Variants in AFF3 observed in about 807,000 individuals in gnomAD.
The protein encoded by AFF3 is AF4/FMR2 family member 3.
Under a neutral mutation model 129.7 loss-of-function variants are expected in AFF3, and 32 were observed. That is an observed-to-expected ratio of 0.25 (90% CI 0.19 to 0.33). The LOEUF is 0.33. AFF3 is among the 10% of genes least tolerant of loss of function. The pLI is 1.00. For synonymous variants in AFF3, 644 were observed against 635.4 expected (o/e 1.01, Z -0.20); for missense variants, 1,373 against 1,592.0 (o/e 0.86, Z 2.34).
At chr2:99,774,822 G>C (rs982479124) in intron 8 of AFF3, among the ~76,000 whole-genome samples, 1 of 151,650 alleles carries the variant, frequency 6.6e-6, no homozygotes, top group African/African-American at 2.4e-5. Context: ...CAGAATGGGA[G>C]AAAATTTTTG....
chr2:99,935,780 G>A (rs1316450537), intron 7 of AFF3, among the ~76,000 whole-genome samples: 2 of 152,212 alleles, frequency 1.3e-5, no homozygotes, highest in Non-Finnish European at 2.9e-5. Context: ...TGTGGTTGTT[G>A]AGCATCACCT....
intron 8 of AFF3, among the ~76,000 whole-genome samples, chr2:99,808,580 A>G (rs1235813046): frequency 6.6e-6 from 1 of 152,198 alleles, no homozygotes; most frequent in African/African-American, 2.4e-5. Context: ...CTAATGGATG[A>G]ACCTCAATCA....
intron 4 of AFF3, among the ~76,000 whole-genome samples, chr2:100,026,182 C>G (rs1256859458): frequency 6.6e-6 from 1 of 151,838 alleles, no homozygotes; most frequent in Non-Finnish European, 1.5e-5. Flanking sequence ...GAATCTACAA[C>G]AAACAAACAA....
rs577600628 is a variant in AFF3 at position 99,936,522 on chromosome 2, G to A, written c.873+70110C>T. The stretch of plus-strand genomic sequence containing the variant: ...AATCCCCATACGTGCTGACAAGGAC[G>A]GGAGGAAATGCCGTTTGAGGCTGTG... On this transcript the variant is annotated intron_variant, in intron 7 of 24. Transcript: ENST00000672756. Among the ~76,000 whole-genome samples, 219 of 152,260 alleles carry A rather than the reference G, an allele frequency of 1.4e-3. No individual in the cohort carries two copies. The South Asian group carries it at 0.016, about 11-fold the overall frequency.
At chr2:99,816,786 T>C (rs138037516) in intron 8 of AFF3, among the ~76,000 whole-genome samples, 1 of 152,204 alleles carries the variant, frequency 6.6e-6, no homozygotes, top group African/African-American at 2.4e-5. Flanking sequence ...CTGAGCTTTC[T>C]CCAGATATAC....
chr2:100,011,909 G>GA (rs1682584624), intron 4 of AFF3, among the ~76,000 whole-genome samples: 1 of 152,124 alleles, frequency 6.6e-6, no homozygotes, highest in African/African-American at 2.4e-5. Context: ...CTCTGAAAAT[G>GA]TTGGAGGTGA....
chr2:100,133,889 C>T (rs62150270), intron 1 of AFF3, among the ~76,000 whole-genome samples: 2,761 of 152,072 alleles, frequency 0.018, 48 homozygotes, highest in African/African-American at 0.038. Context: ...GCTGAGATCG[C>T]GCCACTGCAC....
chr2:99,837,482 T>C lies in AFF3; in HGVS notation c.916A>G (p.Ile306Val), dbSNP rs181598864. The change falls in exon 8 of 25, where the codon ATC becomes GTC. Residue 306 changes from isoleucine to valine, a missense_variant. Around this residue, in one of 9 missense-constraint regions of AFF3, gnomAD observed 413 missense variants for 424.4 expected, o/e 0.97. Coordinates refer to ENST00000672756, the MANE Select transcript of AFF3 (RefSeq NM_001386135.1). ...TGTTTAAAGAATAATCTTACCCGGA[T>C]TATTTCTTCAACACAGCTGTTGGTT... The part of the protein sequence containing the change: ...GETNSCVEEI[I>V]REMTWLPPLS... 1 of 1,613,696 alleles carries C rather than the reference T, an allele frequency of 6.2e-7. No homozygotes were observed. Among genetic ancestry groups the C allele is most frequent in the Non-Finnish European group, 8.5e-7 (1 of 1,179,708 alleles).
intron 11 of AFF3, among the ~76,000 whole-genome samples, chr2:99,688,093 C>T (rs868521502): frequency 2.6e-5 from 4 of 152,166 alleles, no homozygotes; most frequent in Non-Finnish European, 5.9e-5. Context: ...CCGCCCGCCT[C>T]GGCCTCCCAA....
At position 99,545,530 on chromosome 2, in the gene AFF3, T is replaced by A. The variant is rs1431640193; in HGVS notation, c.*5944A>T. 6.6e-6 allele frequency: 1 copy of A among 152,216 alleles called. No individual in the cohort carries two copies. Among genetic ancestry groups the A allele is most frequent in the Non-Finnish European group, 1.5e-5 (1 of 68,084 alleles). The allele number at this position is 152,216 out of a possible 1,614,324, so 9.4% of individuals were successfully genotyped here. On this transcript the variant is annotated 3_prime_UTR_variant, in exon 25 of 25. Coordinates refer to ENST00000672756, the MANE Select transcript of AFF3 (RefSeq NM_001386135.1). ...TATTTCTGGATGAGCTTTCCTATTT[T>A]AAAAATGGGTAAAAAAAACAAAACA...
chr2:99,971,174 G>A (rs758063257), intron 7 of AFF3, among the ~76,000 whole-genome samples: 4 of 152,046 alleles, frequency 2.6e-5, no homozygotes, highest in Non-Finnish European at 5.9e-5. Flanking sequence ...CAGGTCCTAG[G>A]GTTTTCCTCT....
intron 8 of AFF3, among the ~76,000 whole-genome samples, chr2:99,752,641 G>C (rs913521239): frequency 6.6e-6 from 1 of 152,148 alleles, no homozygotes; most frequent in African/African-American, 2.4e-5. Flanking sequence ...ACTCGGACTT[G>C]ATCCCACAGA....
chr2:99,982,740 T>G (rs1679521344), intron 7 of AFF3, among the ~76,000 whole-genome samples: 1 of 152,158 alleles, frequency 6.6e-6, no homozygotes, highest in Non-Finnish European at 1.5e-5. Flanking sequence ...ACTTTAAATG[T>G]GGAGTTTTTA....
chr2:99,642,123 C>T (rs577485438), intron 13 of AFF3, among the ~76,000 whole-genome samples: 5 of 152,274 alleles, frequency 3.3e-5, no homozygotes, highest in East Asian at 1.9e-4. Flanking sequence ...GTCAACGGTA[C>T]GAAGCACAAA....
At chr2:99,584,842 A>G (rs1349760354) in intron 16 of AFF3, among the ~76,000 whole-genome samples, 1 of 152,238 alleles carries the variant, frequency 6.6e-6, no homozygotes, top group Non-Finnish European at 1.5e-5. Context: ...CGTGTTGGTT[A>G]TCACCGCAAA....
rs1219827826 is a variant in AFF3, at chr2:99,547,582, A to C, written c.*3892T>G. 1 of 204,624 alleles carries C rather than the reference A, an allele frequency of 4.9e-6. No homozygotes were observed. Among genetic ancestry groups the C allele is most frequent in the African/African-American group, 2.3e-5 (1 of 43,640 alleles). 12.7% of individuals were successfully genotyped at this position (204,624 alleles called of 1,614,324 possible). A position where few individuals can be genotyped will look rare whatever the true frequency, so the allele number is the denominator to read the frequency against. Reference sequence around the variant, plus strand: ...ATTTAAAAATATATATGTATATGCTACTGCACAGTTTCAAAGATGTGATTC... The same window carrying C: ...ATTTAAAAATATATATGTATATGCTCCTGCACAGTTTCAAAGATGTGATTC... On this transcript the variant is annotated 3_prime_UTR_variant, in exon 25 of 25. Transcript: ENST00000672756.
At chr2:100,007,521 C>A in intron 5 of AFF3, 61 bp from the exon 6 acceptor site, 1 of 1,456,692 alleles carries the variant, frequency 6.9e-7, no homozygotes. Context: ...CGGAGATAAT[C>A]AACAGGTGCC....
At chr2:99,614,123 A>G (rs1449183697) in intron 13 of AFF3, among the ~76,000 whole-genome samples, 1 of 152,132 alleles carries the variant, frequency 6.6e-6, no homozygotes, top group East Asian at 1.9e-4. Flanking sequence ...CTGAACCAGG[A>G]GTGGGATGGG....
chr2:99,730,757 C>T lies in AFF3; in HGVS notation c.1040-3629G>A, dbSNP rs533899593. On this transcript the variant is annotated intron_variant, in intron 10 of 24. Coordinates refer to ENST00000672756, the MANE Select transcript of AFF3 (RefSeq NM_001386135.1). ...CTCCAACTCCTGACCTTGTGATCTG[C>T]CTGACTTAGCCTCCCAAAGTGCTGA... is the stretch of plus-strand genomic sequence containing the variant. 1.0e-3 allele frequency among the ~76,000 whole-genome samples: 153 copies of T among 151,996 alleles called. 1 individual carries two copies. Among genetic ancestry groups the T allele is most frequent in the Non-Finnish European group, 1.6e-3 (112 of 67,972 alleles).
Sources: gnomAD v4.1 joint callset for allele counts (sites outside exome capture counted in the v4.1 genomes callset) on GRCh38, gnomAD v4.1.1 for gene constraint, gnomAD v4.1.1 regional missense constraint, MANE v1.5 for transcripts, NCBI Gene and HGNC (gene_info 2026-07-23, HGNC 2026-07-21) for gene names.